The following MCC variants were observed in gnomAD, a reference collection of about 807,000 sequenced individuals.
The protein encoded by MCC is colorectal mutant cancer protein.
In MCC, 90 loss-of-function variants were observed where a neutral mutation model predicts 116.2. That is an observed-to-expected ratio of 0.77 (90% CI 0.65 to 0.92). The LOEUF (loss-of-function observed/expected upper bound fraction) is 0.92. Among genes scored for constraint, MCC ranks in the 40% least tolerant of loss-of-function variants. The pLI, the probability that MCC is intolerant of heterozygous loss-of-function variation, is 0.00. For synonymous variants in MCC, 578 were observed against 510.5 expected (o/e 1.13, Z -1.78); for missense variants, 1,516 against 1,312.2 (o/e 1.16, Z -2.40).
chr5:113,074,871 A>C (rs545077345), intron 11 of MCC, among the ~76,000 whole-genome samples: 10 of 152,364 alleles, frequency 6.6e-5, no homozygotes, highest in African/African-American at 2.4e-4. Flanking sequence ...AAAGCCTCCA[A>C]GAAATAAGGG....
intron 1 of MCC, among the ~76,000 whole-genome samples, chr5:113,457,552 G>C (rs918519876): frequency 6.6e-6 from 1 of 152,188 alleles, no homozygotes; most frequent in Non-Finnish European, 1.5e-5. Flanking sequence ...GGACTGGCAG[G>C]CAGCTCCACC....
chr5:113,226,559 GTAAC>G (rs1342555543), intron 3 of MCC, among the ~76,000 whole-genome samples: 2 of 152,212 alleles, frequency 1.3e-5, no homozygotes, highest in African/African-American at 4.8e-5. Context: ...ACATCTGGAA[GTAAC>G]TAACAATTTA....
chr5:113,048,394 C>A (rs923547998), intron 16 of MCC, among the ~76,000 whole-genome samples: 3 of 152,226 alleles, frequency 2.0e-5, no homozygotes, highest in African/African-American at 7.2e-5. Context: ...GCGAATCATT[C>A]CTTAGGCCAG....
At chr5:113,277,631 C>G (rs1452245227) in intron 3 of MCC, among the ~76,000 whole-genome samples, 2 of 152,108 alleles carry the variant, frequency 1.3e-5, no homozygotes, top group Admixed American at 6.5e-5. Flanking sequence ...ATGGCAGATT[C>G]TGAACTATAC....
In MCC at chr5:113,051,018, G is replaced by T. The variant is rs367889980; in HGVS notation, c.2449-1719C>A. ...ATCTCTCAGGCTCTGTGTGGGAAAAGAAAGAAAAATCTCTTTCCAGGAATT... is the reference window on the plus strand; with the variant it reads ...ATCTCTCAGGCTCTGTGTGGGAAAATAAAGAAAAATCTCTTTCCAGGAATT... On this transcript the variant is annotated intron_variant, in intron 15 of 18. Coordinates refer to ENST00000408903, the MANE Select transcript of MCC (RefSeq NM_001085377.2). 1.1e-4 allele frequency among the ~76,000 whole-genome samples: 16 copies of T among 152,356 alleles called. No homozygotes were observed. The East Asian group carries it at 1.2e-3, about 11-fold the overall frequency.
chr5:113,420,304 A>G (rs1770293456), intron 1 of MCC, among the ~76,000 whole-genome samples: 1 of 152,102 alleles, frequency 6.6e-6, no homozygotes, highest in East Asian at 1.9e-4. Context: ...AACAAGTTAG[A>G]CGCAAAGAAT....
rs1230689093 is a variant in MCC, at chr5:113,394,101, T to C, written c.171-8889A>G. On this transcript the variant is annotated intron_variant, in intron 1 of 18. Transcript: ENST00000408903. ...CTTGAACTCAAAGTCCTGTGCTTAATTCATCATCTCGTACCCTTTCCCAAA... is the reference window on the plus strand; with the variant it reads ...CTTGAACTCAAAGTCCTGTGCTTAACTCATCATCTCGTACCCTTTCCCAAA... Among the ~76,000 whole-genome samples the C allele has an allele frequency of 3.9e-5, 6 of 152,296 alleles. No individual in the cohort carries two copies. The Middle Eastern group carries it at 0.014, about 345-fold the overall frequency.
chr5:113,375,070 T>C (rs1350465587), intron 2 of MCC, among the ~76,000 whole-genome samples: 1 of 152,060 alleles, frequency 6.6e-6, no homozygotes, highest in Non-Finnish European at 1.5e-5. Flanking sequence ...CACAGCTATG[T>C]ACTCCCTGGA....
In MCC at chr5:113,053,660, T is replaced by C. The variant is rs189858906; in HGVS notation, c.2448+65A>G. 8.3e-4 allele frequency: 981 copies of C among 1,186,740 alleles called. 10 individuals are homozygous for C. The highest frequency in any genetic ancestry group is 4.8e-3 in the Middle Eastern group (25 of 5,160). 73.5% of individuals were successfully genotyped at this position (1,186,740 alleles called of 1,614,324 possible). ...ATTCCTCCTTATCTGCTGGACCTGCTTTCAGAGGTTGTTTAGATTTCCTCC... is the reference window on the plus strand; with the variant it reads ...ATTCCTCCTTATCTGCTGGACCTGCCTTCAGAGGTTGTTTAGATTTCCTCC... On this transcript the variant is annotated intron_variant, in intron 15 of 18. Transcript: ENST00000408903.
intron 3 of MCC, among the ~76,000 whole-genome samples, chr5:113,254,433 C>T (rs780157955): frequency 2.0e-5 from 3 of 152,138 alleles, no homozygotes; most frequent in Admixed American, 6.5e-5. Context: ...TAGTTCATAA[C>T]GCATTCAAAA....
intron 3 of MCC, among the ~76,000 whole-genome samples, chr5:113,236,015 C>T (rs1418615114): frequency 6.6e-6 from 1 of 152,152 alleles, no homozygotes; most frequent in Non-Finnish European, 1.5e-5. Flanking sequence ...GGTCTTCTAA[C>T]CTAGGTAGGT....
At chr5:113,358,806 G>A (rs1310893518) in intron 2 of MCC, among the ~76,000 whole-genome samples, 6 of 152,142 alleles carry the variant, frequency 3.9e-5, no homozygotes, top group African/African-American at 4.8e-5. Context: ...GCAGTAAATC[G>A]CTTAGTCCAC....
At chr5:113,033,384 T>G (rs1751097743) in intron 17 of MCC, among the ~76,000 whole-genome samples, 1 of 152,220 alleles carries the variant, frequency 6.6e-6, no homozygotes, top group Non-Finnish European at 1.5e-5. Flanking sequence ...GGGCTCACTT[T>G]ATCAAGTCTA....
chr5:113,166,233 A>G, intron 3 of MCC, among the ~76,000 whole-genome samples: 1 of 152,200 alleles, frequency 6.6e-6, no homozygotes, highest in East Asian at 1.9e-4. Flanking sequence ...TAGGAATGAT[A>G]CATTTCCAAC....
intron 3 of MCC, among the ~76,000 whole-genome samples, chr5:113,300,855 G>C (rs1269784733): frequency 1.3e-5 from 2 of 152,114 alleles, no homozygotes; most frequent in African/African-American, 4.8e-5. Context: ...TTTGCTCAAG[G>C]AACTACAACA....
chr5:113,347,216 T>C (rs1030015754), intron 2 of MCC, among the ~76,000 whole-genome samples: 37 of 152,144 alleles, frequency 2.4e-4, no homozygotes, highest in African/African-American at 8.9e-4. Flanking sequence ...TTGTGATATG[T>C]AAACTACTCT....
intron 1 of MCC, among the ~76,000 whole-genome samples, chr5:113,410,240 G>A (rs1056587424): frequency 2.6e-4 from 40 of 152,292 alleles, no homozygotes; most frequent in Middle Eastern, 3.4e-3. Context: ...GGGATACCTT[G>A]TGGATATCCA....
At chr5:113,166,025 TAATCA>T (rs1760750305) in intron 3 of MCC, among the ~76,000 whole-genome samples, 1 of 152,176 alleles carries the variant, frequency 6.6e-6, no homozygotes, top group African/African-American at 2.4e-5. Flanking sequence ...AAGCCCAGCC[TAATCA>T]TTACTTCAAA....
intron 3 of MCC, among the ~76,000 whole-genome samples, chr5:113,256,150 C>A (rs189995319): frequency 6.0e-4 from 91 of 152,034 alleles, no homozygotes; most frequent in Non-Finnish European, 1.1e-3. Context: ...AAGAAACCAG[C>A]ACATAGTTTA....
Sources: allele counts gnomAD v4.1 joint callset (sites outside exome capture counted in the v4.1 genomes callset), GRCh38; gene constraint gnomAD v4.1.1; transcripts MANE v1.5; gene names NCBI Gene and HGNC (gene_info 2026-07-23, HGNC 2026-07-21).